The following SPOP variants were observed in gnomAD, a reference collection of about 807,000 sequenced individuals.
The protein encoded by SPOP is speckle-type POZ protein.
Under a neutral mutation model 45.6 loss-of-function variants are expected in SPOP, and 11 were observed. That is an observed-to-expected ratio of 0.24 (90% CI 0.15 to 0.40). SPOP has a LOEUF of 0.40. Ranked by LOEUF, SPOP falls within the 10% of genes least tolerant of loss-of-function variation. The pLI is 1.00. For missense variants in SPOP, 152 were observed against 465.6 expected, an observed-to-expected ratio of 0.33 and a Z score of 6.20; for synonymous variants, 166 against 166.3, an observed-to-expected ratio of 1.00 and a Z score of 0.01.
chr17:49,676,745 ATGGCAGAGG>A (rs1189907968), intron 1 of SPOP, among the ~76,000 whole-genome samples: 1 of 152,196 alleles, frequency 6.6e-6, no homozygotes, highest in Non-Finnish European at 1.5e-5. Flanking sequence ...CTCTGTTTTG[ATGGCAGAGG>A]TAAGCAGCAG....
At chr17:49,634,775 T>G (rs375637665) in intron 1 of SPOP, among the ~76,000 whole-genome samples, 1 of 152,224 alleles carries the variant, frequency 6.6e-6, no homozygotes, top group Non-Finnish European at 1.5e-5. Flanking sequence ...GCTAACATGA[T>G]TCGGCTATGG....
chr17:49,637,880 T>C (rs1272476522), intron 1 of SPOP, among the ~76,000 whole-genome samples: 1 of 152,264 alleles, frequency 6.6e-6, no homozygotes, highest in Non-Finnish European at 1.5e-5. Context: ...TATGGTTTTC[T>C]GTTTAGAGAC....
At chr17:49,612,224 G>A (rs1295907663) in intron 5 of SPOP, among the ~76,000 whole-genome samples, 1 of 152,156 alleles carries the variant, frequency 6.6e-6, no homozygotes, top group Non-Finnish European at 1.5e-5. Flanking sequence ...ATTTTAGTTA[G>A]GTCGAGAACA....
At chr17:49,654,797 A>G (rs149970026) in intron 1 of SPOP, among the ~76,000 whole-genome samples, 15 of 152,246 alleles carry the variant, frequency 9.9e-5, no homozygotes, top group Non-Finnish European at 2.1e-4. Context: ...AAAAGTAAAT[A>G]AATAAAATAA....
intron 1 of SPOP, among the ~76,000 whole-genome samples, chr17:49,655,043 T>A (rs745357487): frequency 9.9e-5 from 15 of 152,042 alleles, no homozygotes; most frequent in Non-Finnish European, 2.2e-4. Flanking sequence ...TATAATTTAG[T>A]GAAAAGAATG....
chr17:49,626,928 C>A (rs1398197153), intron 1 of SPOP, among the ~76,000 whole-genome samples: 1 of 152,090 alleles, frequency 6.6e-6, no homozygotes, highest in Non-Finnish European at 1.5e-5. Context: ...TGGCTCACTG[C>A]AAGCTCCGCC....
At chr17:49,637,971 G>C (rs80318215) in intron 1 of SPOP, among the ~76,000 whole-genome samples, 1,677 of 152,238 alleles carry the variant, frequency 0.011, 39 homozygotes, top group East Asian at 0.094. Context: ...AGCCTCCTGA[G>C]TAGCTGGCAC....
intron 1 of SPOP, among the ~76,000 whole-genome samples, chr17:49,653,816 TAATATA>T (rs1415047687): frequency 6.7e-6 from 1 of 149,038 alleles, no homozygotes; most frequent in Non-Finnish European, 1.5e-5. Flanking sequence ...TATAAATATA[TAATATA>T]AATATAATAT....
intron 5 of SPOP, 56 bp from the exon 6 acceptor site, chr17:49,611,513 A>G: frequency 6.8e-7 from 1 of 1,465,868 alleles, no homozygotes; most frequent in Non-Finnish European, 9.2e-7. Flanking sequence ...TTTTTTTGCC[A>G]GCAGATAGAC....
At chr17:49,647,860 T>C (rs1434386456) in intron 1 of SPOP, among the ~76,000 whole-genome samples, 1 of 152,216 alleles carries the variant, frequency 6.6e-6, no homozygotes, top group Non-Finnish European at 1.5e-5. Flanking sequence ...ATAAAATATC[T>C]ATTGTTCTAA....
intron 8 of SPOP, among the ~76,000 whole-genome samples, chr17:49,604,701 C>T (rs2071804284): frequency 6.6e-6 from 1 of 152,176 alleles, no homozygotes; most frequent in Non-Finnish European, 1.5e-5. Flanking sequence ...TCCGCCAACA[C>T]AGGAAAAGCT....
intron 8 of SPOP, 30 bp downstream of exon 8, chr17:49,607,219 AG>A (rs1340606020): frequency 1.9e-6 from 3 of 1,613,584 alleles, no homozygotes; most frequent in Non-Finnish European, 8.5e-7. Flanking sequence ...AATAACTCCT[AG>A]TCCTGATTAT....
chr17:49,613,449 T>A (rs1393375541), intron 5 of SPOP, among the ~76,000 whole-genome samples: 1 of 152,136 alleles, frequency 6.6e-6, no homozygotes, highest in Non-Finnish European at 1.5e-5. Flanking sequence ...TGATGGCAAT[T>A]TAGTAGACTG....
chr17:49,641,263 C>CAAAAAAAAA (rs34207707), intron 1 of SPOP, among the ~76,000 whole-genome samples: 1 of 47,548 alleles, frequency 2.1e-5, no homozygotes, highest in Non-Finnish European at 3.7e-5. Context: ...ACTCTGTCTC[C>CAAAAAAAAA]AAAAAAAAAA....
rs190399214 is a variant in SPOP, at chr17:49,621,168, C to T, written c.200+778G>A. ...ACTCCTGGATCATATTTTCCCTGCT[C>T]CAGGGATTGGTTCAGGGAATGCAAA... On this transcript the variant is annotated intron_variant, in intron 3 of 9. Coordinates refer to ENST00000504102, the MANE Select transcript of SPOP (RefSeq NM_001007228.2). Among the ~76,000 whole-genome samples, 284 of 152,288 alleles carry T rather than the reference C, an allele frequency of 1.9e-3. 4 individuals carry two copies. Among genetic ancestry groups the T allele is most frequent in the African/African-American group, 6.6e-3 (273 of 41,550 alleles).
intron 1 of SPOP, among the ~76,000 whole-genome samples, chr17:49,657,239 A>G (rs2143514937): frequency 6.6e-6 from 1 of 152,192 alleles, no homozygotes; most frequent in Non-Finnish European, 1.5e-5. Context: ...CTTTATCAAA[A>G]TGTCCTTTAA....
At chr17:49,649,633 T>A (rs1020311721) in intron 1 of SPOP, among the ~76,000 whole-genome samples, 3 of 150,056 alleles carry the variant, frequency 2.0e-5, no homozygotes, top group African/African-American at 7.4e-5. Flanking sequence ...ATCGAGACCA[T>A]CCTGACTCAC....
chr17:49,660,625 T>A (rs556540632), intron 1 of SPOP, among the ~76,000 whole-genome samples: 64 of 152,298 alleles, frequency 4.2e-4, no homozygotes, highest in African/African-American at 1.5e-3. Flanking sequence ...AGAAAGGCCT[T>A]CCCTGACTCC....
chr17:49,617,940 AAAAG>A (rs1567777196), intron 5 of SPOP, among the ~76,000 whole-genome samples: 8 of 151,882 alleles, frequency 5.3e-5, no homozygotes, highest in South Asian at 2.1e-4. Context: ...AAAAAAAAAA[AAAAG>A]AAAGAAAGCA....
Sources: allele counts gnomAD v4.1 joint callset (sites outside exome capture counted in the v4.1 genomes callset), GRCh38; gene constraint gnomAD v4.1.1; transcripts MANE v1.5; gene names NCBI Gene and HGNC (gene_info 2026-07-23, HGNC 2026-07-21).